PDE4D: variants seen among roughly 807,000 people sequenced by gnomAD.
The protein encoded by PDE4D is 3',5'-cyclic-AMP phosphodiesterase 4D.
PDE4D carries 24 observed loss-of-function variants against 87.4 expected under a neutral mutation model. The ratio of observed to expected loss-of-function variants is 0.27; its 90% CI spans 0.20 to 0.39. The LOEUF (loss-of-function observed/expected upper bound fraction) is 0.39. Among genes scored for constraint, PDE4D ranks in the 10% least tolerant of loss-of-function variants. PDE4D has a pLI of 1.00. For missense variants in PDE4D, 714 were observed against 1,041.0 expected (o/e 0.69, Z 4.32); for synonymous variants, 384 against 383.2 (o/e 1.00, Z -0.02).
At chr5:60,026,089 GAATAGAGATATATCAGAATGTGAAT>G (rs1766590971) in intron 2 of PDE4D, among the ~76,000 whole-genome samples, 1 of 152,138 alleles carries the variant, frequency 6.6e-6, no homozygotes, top group Middle Eastern at 3.2e-3. Flanking sequence ...TTTGAGAGTT[GAATAGAGATATATCAGAATGTGAAT>G]AATTTGAGGC....
At chr5:60,126,691 C>G (rs1779150739) in intron 2 of PDE4D, among the ~76,000 whole-genome samples, 1 of 152,070 alleles carries the variant, frequency 6.6e-6, no homozygotes, top group Admixed American at 6.6e-5. Flanking sequence ...AAACACTAGC[C>G]ATTAACAGCC....
intron 3 of PDE4D, among the ~76,000 whole-genome samples, chr5:59,929,494 T>G (rs1007752347): frequency 6.7e-6 from 1 of 149,786 alleles, no homozygotes; most frequent in African/African-American, 2.5e-5. Context: ...ATGTGGTATC[T>G]ACAGTCTTTT....
intron 1 of PDE4D, among the ~76,000 whole-genome samples, chr5:59,287,614 A>G (rs1180804289): frequency 6.6e-6 from 1 of 152,064 alleles, no homozygotes; most frequent in East Asian, 1.9e-4. Flanking sequence ...GGCAAGACCC[A>G]GTGCTATGCT....
rs1398793201 is a variant in PDE4D, at chr5:60,051,026, C to T, written c.43-62309G>A. Reference sequence around the variant, plus strand: ...TATTTGTACCCAATACAGGAGTACTCAGATTCATAAAGCAAGTTTGTAGAG... The same window carrying T: ...TATTTGTACCCAATACAGGAGTACTTAGATTCATAAAGCAAGTTTGTAGAG... On this transcript the variant is annotated intron_variant, in intron 2 of 16. Transcript: ENST00000502484. Among the ~76,000 whole-genome samples, 3 of 152,130 alleles carry T rather than the reference C, an allele frequency of 2.0e-5. No individual in the cohort carries two copies. In the East Asian group the frequency reaches 5.8e-4, roughly 29 times the overall value.
At chr5:59,207,351 C>T (rs1179276302) in intron 2 of PDE4D, among the ~76,000 whole-genome samples, 1 of 151,772 alleles carries the variant, frequency 6.6e-6, no homozygotes, top group African/African-American at 2.4e-5. Flanking sequence ...CTGGGTGAAC[C>T]AATATCTCTC....
At chr5:60,265,449 G>T (rs1002974660) in intron 1 of PDE4D, among the ~76,000 whole-genome samples, 1 of 152,224 alleles carries the variant, frequency 6.6e-6, no homozygotes, top group African/African-American at 2.4e-5. Flanking sequence ...CATTTGGCTA[G>T]GAGACCTCAC....
intron 1 of PDE4D, among the ~76,000 whole-genome samples, chr5:59,534,265 A>G (rs1282515533): frequency 6.6e-6 from 1 of 152,226 alleles, no homozygotes; most frequent in Non-Finnish European, 1.5e-5. Flanking sequence ...ATATTCTCAT[A>G]TAATCAACCA....
At chr5:59,222,474 G>A (rs1407346591) in intron 1 of PDE4D, among the ~76,000 whole-genome samples, 1 of 152,054 alleles carries the variant, frequency 6.6e-6, no homozygotes, top group Non-Finnish European at 1.5e-5. Flanking sequence ...AAAGTGGGTG[G>A]GGCAATGAGG....
chr5:59,370,506 T>G (rs1394377624), intron 1 of PDE4D, among the ~76,000 whole-genome samples: 4 of 152,256 alleles, frequency 2.6e-5, no homozygotes, highest in Non-Finnish European at 5.9e-5. Context: ...TGTTAAGATT[T>G]AAATGTCAGT....
chr5:59,434,415 C>A (rs547412858), intron 1 of PDE4D, among the ~76,000 whole-genome samples: 47 of 152,154 alleles, frequency 3.1e-4, no homozygotes, highest in Middle Eastern at 3.4e-3. Context: ...TCCTTCCCTC[C>A]CCAACCCTCG....
intron 1 of PDE4D, among the ~76,000 whole-genome samples, chr5:60,309,346 A>T (rs911480385): frequency 5.9e-5 from 9 of 152,186 alleles, no homozygotes; most frequent in African/African-American, 9.7e-5. Flanking sequence ...AGAAAAAGAG[A>T]AGTATAATGG....
At chr5:59,018,308 G>C (rs1216907183) in intron 6 of PDE4D, among the ~76,000 whole-genome samples, 1 of 152,200 alleles carries the variant, frequency 6.6e-6, no homozygotes, top group Non-Finnish European at 1.5e-5. Context: ...CAAATGTACA[G>C]ACAGGCAGAC....
At chr5:60,150,442 T>C (rs1006328638) in intron 2 of PDE4D, among the ~76,000 whole-genome samples, 2 of 152,176 alleles carry the variant, frequency 1.3e-5, no homozygotes, top group Non-Finnish European at 2.9e-5. Context: ...ACTTTTTATG[T>C]ATTATCATTA....
At chr5:60,066,650 T>G (rs1772134358) in intron 2 of PDE4D, among the ~76,000 whole-genome samples, 1 of 151,540 alleles carries the variant, frequency 6.6e-6, no homozygotes, top group African/African-American at 2.4e-5. Context: ...ACCAAGAAAA[T>G]CTGAACTGAA....
chr5:59,291,737 AG>A (rs1442519014), intron 1 of PDE4D, among the ~76,000 whole-genome samples: 1 of 104,056 alleles, frequency 9.6e-6, no homozygotes. Flanking sequence ...AGTAAAAAGA[AG>A]TTTTTTTTTT....
In PDE4D at chr5:59,243,750, G is replaced by A. The variant is rs180799323; in HGVS notation, c.456-27782C>T. Among the ~76,000 whole-genome samples the A allele has an allele frequency of 4.5e-3, 689 of 151,988 alleles. 6 individuals carry two copies. Among genetic ancestry groups the A allele is most frequent in the African/African-American group, 0.014 (597 of 41,474 alleles). ...GCTGGAATTACAGGCGTGAGCCACC[G>A]GAACTGTTTTTTTATATGTAGGCTT... On this transcript the variant is annotated intron_variant, in intron 1 of 14. Transcript: ENST00000340635.
intron 1 of PDE4D, among the ~76,000 whole-genome samples, chr5:59,747,026 C>A (rs1169399496): frequency 6.6e-6 from 1 of 152,200 alleles, no homozygotes; most frequent in Non-Finnish European, 1.5e-5. Flanking sequence ...CAAACTCTTA[C>A]ATAACTCATA....
At chr5:59,734,572 A>C (rs775095269) in intron 1 of PDE4D, among the ~76,000 whole-genome samples, 2 of 152,172 alleles carry the variant, frequency 1.3e-5, no homozygotes, top group African/African-American at 2.4e-5. Flanking sequence ...AAACAAAGTA[A>C]AGTGGGTTTT....
rs573371834 is a variant in PDE4D at position 59,878,553 on chromosome 5, T to C, written c.455+14615A>G. Among the ~76,000 whole-genome samples the C allele has an allele frequency of 8.5e-5, 13 of 152,314 alleles. No homozygotes were observed. In the South Asian group the frequency reaches 2.5e-3, roughly 29 times the overall value. On this transcript the variant is annotated intron_variant, in intron 1 of 14. Transcript: ENST00000340635. ...GTCTTGAACTCCTGGGCTCAAGCAA[T>C]TCGCCCACCTCGGCCTCCCAAAGTG...
Sources: gnomAD v4.1 joint callset for allele counts (sites outside exome capture counted in the v4.1 genomes callset) on GRCh38, gnomAD v4.1.1 for gene constraint, MANE v1.5 for transcripts, NCBI Gene and HGNC (gene_info 2026-07-23, HGNC 2026-07-21) for gene names.